Variants in SETBP1 observed in about 807,000 individuals in gnomAD.
The protein encoded by SETBP1 is SET binding protein 1, also known as SET-binding protein.
In SETBP1, 9 loss-of-function variants were observed where a neutral mutation model predicts 101.0. The observed-to-expected ratio is 0.09, with a 90% CI of 0.05 to 0.16. SETBP1 has a LOEUF of 0.16. Ranked by LOEUF, SETBP1 falls within the 10% of genes least tolerant of loss-of-function variation. The pLI, the probability that SETBP1 is intolerant of heterozygous loss-of-function variation, is 1.00. For synonymous variants in SETBP1, 818 were observed against 788.5 expected, an observed-to-expected ratio of 1.04 and a Z score of -0.63; for missense variants, 1,858 against 2,033.8, an observed-to-expected ratio of 0.91 and a Z score of 1.66.
intron 3 of SETBP1, among the ~76,000 whole-genome samples, chr18:44,949,398 C>T (rs545726505): frequency 5.8e-4 from 89 of 152,332 alleles, no homozygotes; most frequent in African/African-American, 2.1e-3. Flanking sequence ...GAAGCAGGGA[C>T]AGAAATAAGA....
intron 5 of SETBP1, among the ~76,000 whole-genome samples, chr18:45,053,664 T>G (rs1305715458): frequency 6.6e-6 from 1 of 152,234 alleles, no homozygotes; most frequent in African/African-American, 2.4e-5. Flanking sequence ...CTTGAAGTTC[T>G]AGCATGGTCA....
intron 4 of SETBP1, among the ~76,000 whole-genome samples, chr18:44,972,239 C>G (rs1302833512): frequency 6.6e-6 from 1 of 152,162 alleles, no homozygotes; most frequent in Non-Finnish European, 1.5e-5. Context: ...GTCTATATCT[C>G]TGTTTTGGTA....
chr18:44,816,052 G>C (rs969974463), intron 2 of SETBP1, among the ~76,000 whole-genome samples: 2 of 152,132 alleles, frequency 1.3e-5, no homozygotes, highest in South Asian at 2.1e-4. Context: ...AGAAACAGTC[G>C]AGAGACCCTG....
chr18:45,055,559 G>T (rs1046896810), intron 5 of SETBP1, among the ~76,000 whole-genome samples: 8 of 150,688 alleles, frequency 5.3e-5, no homozygotes, highest in East Asian at 1.9e-4. Context: ...GAAAATCTTG[G>T]TTTTTTTTTA....
intron 2 of SETBP1, among the ~76,000 whole-genome samples, chr18:44,730,963 G>A (rs957778421): frequency 1.3e-5 from 2 of 152,206 alleles, no homozygotes; most frequent in Non-Finnish European, 2.9e-5. Context: ...AGTTGGAGTG[G>A]CTGTGATAGT....
At chr18:44,771,581 C>T (rs2070874312) in intron 2 of SETBP1, among the ~76,000 whole-genome samples, 1 of 152,098 alleles carries the variant, frequency 6.6e-6, no homozygotes, top group African/African-American at 2.4e-5. Context: ...AGTTGGGATC[C>T]CCACAGAACT....
chr18:44,957,416 T>C (rs1367973970), intron 4 of SETBP1, among the ~76,000 whole-genome samples: 3 of 152,096 alleles, frequency 2.0e-5, no homozygotes, highest in African/African-American at 7.2e-5. Flanking sequence ...AATCTACATG[T>C]GTTACCTCTT....
intron 2 of SETBP1, among the ~76,000 whole-genome samples, chr18:44,711,985 C>A (rs1336968758): frequency 6.6e-6 from 1 of 152,200 alleles, no homozygotes; most frequent in Non-Finnish European, 1.5e-5. Flanking sequence ...GCCCCTTCTT[C>A]CCTGGGCCAA....
chr18:44,749,693 A>G (rs1568124261), intron 2 of SETBP1, among the ~76,000 whole-genome samples: 1 of 152,336 alleles, frequency 6.6e-6, no homozygotes, highest in East Asian at 1.9e-4. Context: ...ATCTCTCACC[A>G]AATCTAAGAT....
At chr18:44,796,368 C>A (rs550461166) in intron 2 of SETBP1, among the ~76,000 whole-genome samples, 3 of 152,282 alleles carry the variant, frequency 2.0e-5, no homozygotes, top group Admixed American at 6.5e-5. Flanking sequence ...GAGAGACCTC[C>A]AGGATAATCT....
At chr18:44,831,635 G>A (rs1035457344) in intron 2 of SETBP1, among the ~76,000 whole-genome samples, 3 of 152,140 alleles carry the variant, frequency 2.0e-5, no homozygotes, top group Admixed American at 1.3e-4. Flanking sequence ...AAAAATAATT[G>A]TACTTATCGC....
intron 5 of SETBP1, among the ~76,000 whole-genome samples, chr18:45,057,453 C>G (rs1008011553): frequency 6.6e-6 from 1 of 152,108 alleles, no homozygotes; most frequent in Non-Finnish European, 1.5e-5. Context: ...TTGCTGATCA[C>G]ATAGTATGCA....
rs2071402650 is a variant in SETBP1 at position 44,953,136 on chromosome 18, A to T, written c.3796A>T (p.Ser1266Cys). The stretch of plus-strand genomic sequence containing the variant: ...CTCATGCACGAAAAGATACTCTGGC[A>T]GTGGCGGGGATGGTGGCAGCACGAG... ...VDSCTKRYSG[S>C]GGDGGSTRSE... The change falls in exon 4 of 6, where the codon AGT (serine) becomes TGT (cysteine). Residue 1266 changes from serine to cysteine, a missense_variant. Transcript: ENST00000649279. 6 of 1,614,108 alleles carry T rather than the reference A, an allele frequency of 3.7e-6. No individual in the cohort carries two copies. Among genetic ancestry groups the T allele is most frequent in the Non-Finnish European group, 5.1e-6 (6 of 1,180,018 alleles).
chr18:44,767,510 C>T lies in SETBP1; in HGVS notation c.486+65678C>T, dbSNP rs570765173. The stretch of plus-strand genomic sequence containing the variant: ...GGAAAGGATGTCAGCAAATTCAACT[C>T]ACCAAATTGGTATTCAGCTTAGGAA... On this transcript the variant is annotated intron_variant, in intron 2 of 5. Transcript: ENST00000649279. Among the ~76,000 whole-genome samples, 4 of 152,328 alleles carry T rather than the reference C, an allele frequency of 2.6e-5. No homozygotes were observed. In the East Asian group the frequency reaches 7.7e-4, roughly 29 times the overall value.
intron 4 of SETBP1, among the ~76,000 whole-genome samples, chr18:44,979,532 T>C (rs1232755112): frequency 6.6e-6 from 1 of 152,220 alleles, no homozygotes; most frequent in African/African-American, 2.4e-5. Context: ...CTCATGAAAG[T>C]GATCACAAAG....
chr18:44,920,795 T>C (rs2070562399), intron 3 of SETBP1, among the ~76,000 whole-genome samples: 1 of 152,154 alleles, frequency 6.6e-6, no homozygotes, highest in African/African-American at 2.4e-5. Flanking sequence ...TTCCCCACAA[T>C]TTATGCTTTA....
chr18:45,020,103 T>G (rs1456466509), intron 4 of SETBP1, among the ~76,000 whole-genome samples: 1 of 151,674 alleles, frequency 6.6e-6, no homozygotes, highest in Non-Finnish European at 1.5e-5. Context: ...TCGTTTGGTC[T>G]TCAGCCGTGG....
chr18:44,787,399 C>CCTAA (rs2071260722), intron 2 of SETBP1, among the ~76,000 whole-genome samples: 2 of 152,150 alleles, frequency 1.3e-5, no homozygotes, highest in African/African-American at 4.8e-5. Context: ...CTCCAGGAAC[C>CCTAA]CTAACTAAAT....
At chr18:44,731,787 T>C (rs1222182357) in intron 2 of SETBP1, among the ~76,000 whole-genome samples, 2 of 152,166 alleles carry the variant, frequency 1.3e-5, no homozygotes, top group East Asian at 3.8e-4. Flanking sequence ...AACCTGACTT[T>C]CCTCATCTAT....
Sources: gnomAD v4.1 joint callset for allele counts (sites outside exome capture counted in the v4.1 genomes callset) on GRCh38, gnomAD v4.1.1 for gene constraint, MANE v1.5 for transcripts, NCBI Gene and HGNC (gene_info 2026-07-23, HGNC 2026-07-21) for gene names.